The following LDB2 variants were observed in gnomAD, a reference collection of about 807,000 sequenced individuals.
LDB2 encodes the protein LIM domain-binding protein 2.
In LDB2, 12 loss-of-function variants were observed where a neutral mutation model predicts 44.3. The observed-to-expected ratio is 0.27, with a 90% CI of 0.17 to 0.44. The LOEUF (loss-of-function observed/expected upper bound fraction) is 0.44, where lower values mean the gene tolerates loss of function less well. Ranked by LOEUF, LDB2 falls within the 20% of genes least tolerant of loss-of-function variation. The probability of loss-of-function intolerance (pLI) is 1.00; values close to 1 mark genes in which losing one functional copy is unlikely to be tolerated. For synonymous variants in LDB2, 164 were observed against 174.8 expected, an observed-to-expected ratio of 0.94 and a Z score of 0.49; for missense variants, 344 against 473.5, an observed-to-expected ratio of 0.73 and a Z score of 2.54.
chr4:16,590,760 A>T (rs1239064625), intron 3 of LDB2, among the ~76,000 whole-genome samples: 1 of 152,202 alleles, frequency 6.6e-6, no homozygotes, highest in East Asian at 1.9e-4. Flanking sequence ...AATTTCAGGC[A>T]TGTGGGCACA....
At chr4:16,785,557 G>A (rs910843331) in intron 1 of LDB2, among the ~76,000 whole-genome samples, 2 of 152,182 alleles carry the variant, frequency 1.3e-5, no homozygotes, top group African/African-American at 2.4e-5. Context: ...GGCAGCAGCC[G>A]CATCGGGTGA....
At position 16,842,428 on chromosome 4, in the gene LDB2, TA is replaced by T. The variant is rs199547513; in HGVS notation, c.132+55925del. Among the ~76,000 whole-genome samples the T allele has an allele frequency of 5.0e-3, 743 of 149,894 alleles. 6 individuals carry two copies. Among genetic ancestry groups the T allele is most frequent in the African/African-American group, 0.015 (602 of 41,038 alleles). ...CTTATTCAGTACATTTTCTGTAAAT[TA>T]AAAAAAAAATCCATGCTCTAAACAG... On this transcript the variant is annotated intron_variant, in intron 1 of 7. Transcript: ENST00000304523.
rs376199003 is a variant in LDB2 at position 16,880,881 on chromosome 4, G to C, written c.132+17473C>G. 8.1e-5 allele frequency among the ~76,000 whole-genome samples: 12 copies of C among 147,874 alleles called. No individual in the cohort carries two copies. The East Asian group carries it at 2.4e-3, about 29-fold the overall frequency. Reference sequence around the variant, plus strand: ...ATCACACCACTGCACTCCAGCGTGGGTGAGACAGCAAGACTCCATCTCAAA... The same window carrying C: ...ATCACACCACTGCACTCCAGCGTGGCTGAGACAGCAAGACTCCATCTCAAA... On this transcript the variant is annotated intron_variant, in intron 1 of 7. Coordinates refer to ENST00000304523, the MANE Select transcript of LDB2 (RefSeq NM_001290.5).
intron 2 of LDB2, among the ~76,000 whole-genome samples, chr4:16,666,628 A>C (rs1187988299): frequency 6.6e-6 from 1 of 152,210 alleles, no homozygotes; most frequent in Non-Finnish European, 1.5e-5. Context: ...CTTGGGTTTT[A>C]TGCTGTTTGT....
intron 5 of LDB2, among the ~76,000 whole-genome samples, chr4:16,544,531 A>G (rs1735017810): frequency 6.6e-6 from 1 of 152,176 alleles, no homozygotes; most frequent in African/African-American, 2.4e-5. Context: ...GTGGAGAACA[A>G]CTGAGTGGAA....
At chr4:16,591,851 G>C (rs1181181768) in intron 3 of LDB2, among the ~76,000 whole-genome samples, 1 of 151,520 alleles carries the variant, frequency 6.6e-6, no homozygotes, top group Non-Finnish European at 1.5e-5. Flanking sequence ...TACAATTAAT[G>C]TAGCTTTTAT....
At position 16,847,792 on chromosome 4, in the gene LDB2, A is replaced by AT. The variant is rs530134270; in HGVS notation, c.132+50561dup. Reference sequence around the variant, plus strand: ...CCACAGTGCCCAGCTAATTTTTTGTATTTTTTGTAGAGACGGGGTTTTACC... The same window carrying AT: ...CCACAGTGCCCAGCTAATTTTTTGTATTTTTTTGTAGAGACGGGGTTTTACC... On this transcript the variant is annotated intron_variant, in intron 1 of 7. Transcript: ENST00000304523. Among the ~76,000 whole-genome samples the AT allele has an allele frequency of 3.7e-3, 562 of 152,026 alleles. 4 individuals carry two copies. Among genetic ancestry groups the AT allele is most frequent in the Middle Eastern group, 0.02 (6 of 294 alleles).
intron 5 of LDB2, among the ~76,000 whole-genome samples, chr4:16,525,490 T>C (rs1042583197): frequency 6.6e-6 from 1 of 152,188 alleles, no homozygotes; most frequent in Admixed American, 6.5e-5. Flanking sequence ...GGGAGTTTGG[T>C]GAAAAGTAAG....
At chr4:16,536,202 T>C (rs1269520848) in intron 5 of LDB2, among the ~76,000 whole-genome samples, 1 of 152,226 alleles carries the variant, frequency 6.6e-6, no homozygotes, top group African/African-American at 2.4e-5. Flanking sequence ...GATGCCCATG[T>C]AGCTCATTTG....
At chr4:16,767,112 C>G (rs893294788) in intron 1 of LDB2, among the ~76,000 whole-genome samples, 1 of 152,112 alleles carries the variant, frequency 6.6e-6, no homozygotes, top group African/African-American at 2.4e-5. Flanking sequence ...TGCATCTGGT[C>G]TGATTGATGC....
intron 5 of LDB2, among the ~76,000 whole-genome samples, chr4:16,530,209 C>T (rs1158634027): frequency 1.3e-5 from 2 of 152,186 alleles, no homozygotes; most frequent in East Asian, 3.9e-4. Context: ...AGAGGGTCTG[C>T]CTGACCTCGC....
chr4:16,825,392 C>T (rs1381928567), intron 1 of LDB2, among the ~76,000 whole-genome samples: 2 of 152,150 alleles, frequency 1.3e-5, no homozygotes, highest in African/African-American at 2.4e-5. Flanking sequence ...AAGACCCTAA[C>T]CTTTCTGAGT....
intron 2 of LDB2, among the ~76,000 whole-genome samples, chr4:16,705,924 T>A (rs979390149): frequency 2.0e-4 from 31 of 152,310 alleles, no homozygotes; most frequent in Non-Finnish European, 4.1e-4. Flanking sequence ...AAAATACATA[T>A]GAGATTACCT....
At chr4:16,895,708 T>A (rs1724803759) in intron 1 of LDB2, among the ~76,000 whole-genome samples, 1 of 152,170 alleles carries the variant, frequency 6.6e-6, no homozygotes, top group Non-Finnish European at 1.5e-5. Context: ...CTCAAAGTAG[T>A]CACTCAAAGG....
intron 1 of LDB2, among the ~76,000 whole-genome samples, chr4:16,825,249 G>A (rs1284282096): frequency 6.6e-6 from 1 of 152,180 alleles, no homozygotes; most frequent in African/African-American, 2.4e-5. Context: ...TGAATCCTCA[G>A]TGTGTCTAAA....
chr4:16,503,658 G>T (rs779103724), intron 7 of LDB2, among the ~76,000 whole-genome samples: 2 of 152,092 alleles, frequency 1.3e-5, no homozygotes, highest in Admixed American at 1.3e-4. Flanking sequence ...CACCCATCTG[G>T]GCAGTAAAGA....
chr4:16,844,248 CA>C (rs34034796), intron 1 of LDB2, among the ~76,000 whole-genome samples: 1,157 of 30,002 alleles, frequency 0.039, 2 homozygotes, highest in African/African-American at 0.14. Flanking sequence ...ACCCTGTCTC[CA>C]AAAAAAAAAA....
At chr4:16,874,424 C>T (rs1717747439) in intron 1 of LDB2, among the ~76,000 whole-genome samples, 1 of 152,090 alleles carries the variant, frequency 6.6e-6, no homozygotes, top group African/African-American at 2.4e-5. Context: ...CTATGATTTA[C>T]CCTCTCTGTC....
At chr4:16,586,296 G>T (rs1362600992) in intron 4 of LDB2, among the ~76,000 whole-genome samples, 1 of 152,056 alleles carries the variant, frequency 6.6e-6, no homozygotes, top group African/African-American at 2.4e-5. Flanking sequence ...TGGCACTCGG[G>T]TCTCCAGCCT....
Sources: allele counts gnomAD v4.1 joint callset (sites outside exome capture counted in the v4.1 genomes callset), GRCh38; gene constraint gnomAD v4.1.1; transcripts MANE v1.5; gene names NCBI Gene and HGNC (gene_info 2026-07-23, HGNC 2026-07-21).